ZNF571: variants seen among roughly 807,000 people sequenced by gnomAD.
ZNF571 encodes the protein zinc finger protein 571.
A neutral mutation model predicts 7.7 loss-of-function variants in ZNF571; 4 were observed. That is an observed-to-expected ratio of 0.52 (90% CI 0.25 to 1.18). ZNF571 has a LOEUF of 1.18. ZNF571 is among the 50% of genes most tolerant of loss of function. The pLI is 0.14. For synonymous variants in ZNF571, 251 were observed against 232.4 expected (o/e 1.08, Z -0.73); for missense variants, 704 against 726.9 (o/e 0.97, Z 0.36).
In ZNF571 at chr19:37,564,993, A is replaced by G; in HGVS notation, c.1435T>C (p.Cys479Arg). The change falls in exon 4 of 4, where the codon TGT becomes CGT. Residue 479 changes from cysteine to arginine, a missense_variant. Transcript: ENST00000451802. ...GTAGCACGTACAAAGGTCTTCCCACATTCCTTACATTCATAATGTTTCTCA... is the reference window on the plus strand; with the variant it reads ...GTAGCACGTACAAAGGTCTTCCCACGTTCCTTACATTCATAATGTTTCTCA... Reference protein sequence around the residue: ...HGEKHYECKECGKTFVRATQL... With the variant: ...HGEKHYECKERGKTFVRATQL... The G allele has an allele frequency of 6.2e-7, 1 of 1,613,828 alleles. No homozygotes were observed.
chr19:37,593,681 C>T (rs956520315), intron 1 of ZNF571, among the ~76,000 whole-genome samples: 1 of 152,000 alleles, frequency 6.6e-6, no homozygotes, highest in Admixed American at 6.6e-5. Flanking sequence ...CCAGCCAGGG[C>T]GACACAGCGA....
At chr19:37,585,748 T>C (rs2043650096) in intron 2 of ZNF571, 1 of 152,214 alleles carries the variant, frequency 6.6e-6, no homozygotes, top group Non-Finnish European at 1.5e-5. Context: ...ATGTATACCT[T>C]ACCTTACATG....
At chr19:37,577,744 T>C (rs1467171628) in intron 3 of ZNF571, among the ~76,000 whole-genome samples, 1 of 152,190 alleles carries the variant, frequency 6.6e-6, no homozygotes, top group Non-Finnish European at 1.5e-5. Context: ...TTAATCAATG[T>C]AAATTTAAAT....
intron 3 of ZNF571, among the ~76,000 whole-genome samples, chr19:37,567,903 A>G (rs1251112538): frequency 1.3e-5 from 2 of 152,194 alleles, no homozygotes; most frequent in Admixed American, 1.3e-4. Context: ...TCCCCAGAAC[A>G]CAGTATACAT....
chr19:37,565,523 C>T lies in ZNF571; in HGVS notation c.905G>A (p.Ser302Asn), dbSNP rs1307312030. 2.5e-6 allele frequency: 4 copies of T among 1,612,172 alleles called. No homozygotes were observed. In the South Asian group the frequency reaches 3.3e-5, roughly 13 times the overall value. ...SQLTYHQRIH[S>N]GEKPYECKEC... ...CTTACACTCATAAGGTTTCTCACCA[C>T]TATGAATTCTCTGATGGTAAGTAAG... Residue 302 changes from serine (S) to asparagine (N), a missense_variant, in exon 4 of 4, where the codon AGT becomes AAT. Ser to Asn is a conservative substitution (Grantham distance 46, BLOSUM62 1). Coordinates refer to ENST00000451802, the MANE Select transcript of ZNF571 (RefSeq NM_016536.5).
chr19:37,572,917 T>C (rs539933942), intron 3 of ZNF571, among the ~76,000 whole-genome samples: 24 of 60,488 alleles, frequency 4.0e-4, no homozygotes, highest in African/African-American at 1.6e-3. Context: ...CAAACTGACA[T>C]TGAATGACTT....
intron 1 of ZNF571, among the ~76,000 whole-genome samples, chr19:37,591,518 A>C (rs1341469921): frequency 6.6e-6 from 1 of 152,200 alleles, no homozygotes; most frequent in African/African-American, 2.4e-5. Context: ...AAAGAATCAA[A>C]TCAATTACTC....
intron 2 of ZNF571, 135 bp from the exon 3 acceptor site, chr19:37,584,232 T>A: frequency 2.6e-6 from 3 of 1,156,172 alleles, no homozygotes; most frequent in Non-Finnish European, 3.7e-6. Flanking sequence ...ACAGTAGTAT[T>A]AACCTGATTC....
At position 37,564,804 on chromosome 19, in the gene ZNF571, C is replaced by T; in HGVS notation, c.1624G>A (p.Gly542Ser). ...CKQCGKAFIR[G>S]SHLTEHLRTH... ...CTCAGATGTTCAGTAAGGTGTGAGC[C>T]ACGAATAAAAGCCTTCCCACACTGT... Residue 542 changes from glycine (G) to serine (S), a missense_variant, in exon 4 of 4, where the codon GGC becomes AGC. Coordinates refer to ENST00000451802, the MANE Select transcript of ZNF571 (RefSeq NM_016536.5). 1 of 1,613,724 alleles carries T rather than the reference C, an allele frequency of 6.2e-7. No homozygotes were observed. The highest frequency in any genetic ancestry group is 2.2e-5 in the East Asian group (1 of 44,854).
chr19:37,582,195 C>T (rs1263776190), intron 3 of ZNF571, among the ~76,000 whole-genome samples: 1 of 152,170 alleles, frequency 6.6e-6, no homozygotes, highest in Non-Finnish European at 1.5e-5. Flanking sequence ...CTTTCTCACT[C>T]TCTTTTAAAT....
At chr19:37,578,155 C>A (rs2043311221) in intron 3 of ZNF571, among the ~76,000 whole-genome samples, 1 of 152,168 alleles carries the variant, frequency 6.6e-6, no homozygotes, top group Admixed American at 6.5e-5. Context: ...CCCCTCTCGC[C>A]CCACTCCCCA....
At chr19:37,588,620 C>A (rs1380352568) in intron 1 of ZNF571, among the ~76,000 whole-genome samples, 1 of 152,148 alleles carries the variant, frequency 6.6e-6, no homozygotes. Flanking sequence ...CTGCTCACTA[C>A]CTGGGTGACT....
intron 3 of ZNF571, among the ~76,000 whole-genome samples, chr19:37,574,393 T>A (rs2147173380): frequency 6.6e-6 from 1 of 152,334 alleles, no homozygotes; most frequent in South Asian, 2.1e-4. Context: ...CTAATTCAAT[T>A]GAATGTCTTG....
intron 2 of ZNF571, 100 bp from the exon 3 acceptor site, chr19:37,584,197 A>G (rs868778966): frequency 1.9e-5 from 29 of 1,557,300 alleles, no homozygotes; most frequent in Admixed American, 1.1e-4. Flanking sequence ...AAGTAACACA[A>G]AACAACAGGA....
In ZNF571 at chr19:37,565,183, T is replaced by A. The variant is rs757900334; in HGVS notation, c.1245A>T (p.Gly415=). 5 of 1,611,040 alleles carry A rather than the reference T, an allele frequency of 3.1e-6. No individual in the cohort carries two copies. In the African/African-American group the frequency reaches 5.4e-5, roughly 17 times the overall value. The stretch of plus-strand genomic sequence containing the variant: ...ATTCCTTACATTTGTAGGGCTTCTC[T>A]CCGGTATGAATTCTTTGATGTTGAA... ...NLIQHQRIHT[G]EKPYKCKECG... is the part of the protein sequence containing the mutation. Residue 415 remains glycine, a synonymous_variant, in exon 4 of 4, where the codon GGA becomes GGT. Coordinates refer to ENST00000451802, the MANE Select transcript of ZNF571 (RefSeq NM_016536.5).
chr19:37,590,264 A>C (rs577725278), intron 1 of ZNF571, among the ~76,000 whole-genome samples: 2 of 152,016 alleles, frequency 1.3e-5, no homozygotes, highest in Admixed American at 6.5e-5. Context: ...AAAATAAAAA[A>C]AAATTAGCTG....
intron 3 of ZNF571, among the ~76,000 whole-genome samples, chr19:37,581,919 T>G (rs1164618608): frequency 6.6e-6 from 1 of 152,202 alleles, no homozygotes; most frequent in Non-Finnish European, 1.5e-5. Flanking sequence ...CTATACCTTT[T>G]GCTTTTCTTT....
intron 2 of ZNF571, chr19:37,584,950 C>T (rs928063822): frequency 1.5e-5 from 2 of 137,794 alleles, no homozygotes; most frequent in South Asian, 2.3e-4. Flanking sequence ...GGCCACAGAG[C>T]GAGACTCCGT....
At chr19:37,567,013 T>C (rs2042884483) in intron 3 of ZNF571, among the ~76,000 whole-genome samples, 1 of 152,164 alleles carries the variant, frequency 6.6e-6, no homozygotes, top group Non-Finnish European at 1.5e-5. Flanking sequence ...AATGGCCTCC[T>C]TGGTGTTAAA....
Sources: gnomAD v4.1 joint callset for allele counts (sites outside exome capture counted in the v4.1 genomes callset) on GRCh38, gnomAD v4.1.1 for gene constraint, MANE v1.5 for transcripts, NCBI Gene and HGNC (gene_info 2026-07-23, HGNC 2026-07-21) for gene names.